The following TAFA5 variants were observed in gnomAD, a reference collection of about 807,000 sequenced individuals.
TAFA5 encodes the protein TAFA chemokine like family member 5.
TAFA5 carries 6 observed loss-of-function variants against 15.3 expected under a neutral mutation model. The observed-to-expected ratio is 0.39, with a 90% CI of 0.21 to 0.77. The LOEUF is 0.77. TAFA5 is among the 30% of genes least tolerant of loss of function. The pLI is 0.41. For missense variants in TAFA5, 161 were observed against 193.1 expected (o/e 0.83, Z 0.98); for synonymous variants, 103 against 80.7 (o/e 1.28, Z -1.48).
At chr22:48,730,363 G>T (rs1929835063) in intron 3 of TAFA5, among the ~76,000 whole-genome samples, 1 of 151,514 alleles carries the variant, frequency 6.6e-6, no homozygotes, top group Non-Finnish European at 1.5e-5. Context: ...TCCAGCCTGG[G>T]CGACAGAGCA....
intron 1 of TAFA5, among the ~76,000 whole-genome samples, chr22:48,554,410 A>G (rs933346315): frequency 4.6e-5 from 7 of 152,236 alleles, no homozygotes; most frequent in African/African-American, 1.7e-4. Flanking sequence ...GCATATTAAA[A>G]CTTTTAACCT....
intron 1 of TAFA5, among the ~76,000 whole-genome samples, chr22:48,583,913 CATACA>C: frequency 7.0e-6 from 1 of 143,674 alleles, no homozygotes. Flanking sequence ...AAATAAACCT[CATACA>C]CCACACACAC....
intron 2 of TAFA5, among the ~76,000 whole-genome samples, chr22:48,663,981 A>G (rs920850971): frequency 6.6e-6 from 1 of 152,228 alleles, no homozygotes; most frequent in Admixed American, 6.5e-5. Flanking sequence ...TAAGGAAAGG[A>G]AAAAAATCAC....
chr22:48,578,597 G>A (rs1317485230), intron 1 of TAFA5, among the ~76,000 whole-genome samples: 2 of 152,200 alleles, frequency 1.3e-5, no homozygotes, highest in South Asian at 4.1e-4. Flanking sequence ...ATGAGGATGG[G>A]GTCAGCTGTA....
intron 2 of TAFA5, among the ~76,000 whole-genome samples, chr22:48,701,418 C>G (rs1928901881): frequency 6.6e-6 from 1 of 152,192 alleles, no homozygotes; most frequent in African/African-American, 2.4e-5. Flanking sequence ...ACGGGTCCAC[C>G]CAGGTGCTGT....
intron 3 of TAFA5, 86 bp from the exon 4 acceptor site, chr22:48,749,753 C>T: frequency 6.8e-7 from 1 of 1,477,298 alleles, no homozygotes; most frequent in Non-Finnish European, 9.3e-7. Context: ...CTGGCAGGAG[C>T]CGGGGAGGGA....
intron 1 of TAFA5, among the ~76,000 whole-genome samples, chr22:48,588,351 G>C (rs1426583940): frequency 6.6e-6 from 1 of 152,222 alleles, no homozygotes; most frequent in Non-Finnish European, 1.5e-5. Flanking sequence ...TGCAGTCTCG[G>C]CGGCCGCCCG....
Position 48,705,459 on chromosome 22 carries a change from C to T in TAFA5, c.263-2258C>T, listed in dbSNP as rs569408619. The stretch of plus-strand genomic sequence containing the variant: ...GTCTGTCTTCCAGAGGGCCCCTGAC[C>T]TCCCAGACCTGCCTCCCCTGCGATG... On this transcript the variant is annotated intron_variant, in intron 2 of 3. Transcript: ENST00000402357. Among the ~76,000 whole-genome samples the T allele has an allele frequency of 2.6e-5, 4 of 152,284 alleles. No homozygotes were observed. The East Asian group carries it at 7.7e-4, about 29-fold the overall frequency.
intron 1 of TAFA5, among the ~76,000 whole-genome samples, chr22:48,586,483 C>T (rs925260441): frequency 6.6e-6 from 1 of 152,224 alleles, no homozygotes; most frequent in Non-Finnish European, 1.5e-5. Context: ...AGCCCGAGGA[C>T]TTCCACGGGG....
At position 48,530,173 on chromosome 22, in the gene TAFA5, G is replaced by C. The variant is rs762204683; in HGVS notation, c.112+40469G>C. On this transcript the variant is annotated intron_variant, in intron 1 of 3. Transcript: ENST00000402357. The surrounding 1 kb of genome is among the most constrained non-coding windows in gnomAD (Gnocchi z 6.0). ...CTCCATGGCGACTCGAGGAGGAGGA[G>C]GCTGGGCCTGCATCACCTCCATTTT... is the stretch of plus-strand genomic sequence containing the variant. Among the ~76,000 whole-genome samples, 1 of 152,146 alleles carries C rather than the reference G, an allele frequency of 6.6e-6. No individual in the cohort carries two copies. Among genetic ancestry groups the C allele is most frequent in the Non-Finnish European group, 1.5e-5 (1 of 68,016 alleles).
chr22:48,657,593 C>T (rs970899324), intron 2 of TAFA5, among the ~76,000 whole-genome samples: 7 of 152,212 alleles, frequency 4.6e-5, no homozygotes, highest in South Asian at 2.1e-4. Flanking sequence ...TCTATGGATA[C>T]GGACATAGAT....
chr22:48,672,373 G>T (rs1309437979), intron 2 of TAFA5, among the ~76,000 whole-genome samples: 3 of 152,170 alleles, frequency 2.0e-5, no homozygotes, highest in African/African-American at 4.8e-5. Flanking sequence ...GCCTAAAGAA[G>T]AAAATGGAAA....
chr22:48,679,853 C>T (rs1928122449), intron 2 of TAFA5, among the ~76,000 whole-genome samples: 1 of 152,174 alleles, frequency 6.6e-6, no homozygotes, highest in Non-Finnish European at 1.5e-5. Context: ...GTGGACCGGC[C>T]CTGCCCAAGC....
intron 1 of TAFA5, among the ~76,000 whole-genome samples, chr22:48,646,281 G>C (rs1926859131): frequency 2.0e-5 from 3 of 152,182 alleles, no homozygotes; most frequent in Admixed American, 2.0e-4. Context: ...CCCTCCTTGT[G>C]ATCCGAACCT....
At chr22:48,585,817 G>T (rs1417883041) in intron 1 of TAFA5, among the ~76,000 whole-genome samples, 2 of 151,548 alleles carry the variant, frequency 1.3e-5, no homozygotes. Context: ...CACACAAAGC[G>T]CAGAAACACA....
intron 2 of TAFA5, among the ~76,000 whole-genome samples, chr22:48,662,975 T>A (rs1225729199): frequency 6.6e-6 from 1 of 152,186 alleles, no homozygotes; most frequent in Non-Finnish European, 1.5e-5. Context: ...ACTCGGCAGA[T>A]CTGGCAGCTC....
intron 2 of TAFA5, among the ~76,000 whole-genome samples, chr22:48,657,936 C>T (rs1738608377): frequency 1.3e-5 from 2 of 151,968 alleles, no homozygotes; most frequent in Non-Finnish European, 2.9e-5. Context: ...AAAGTGTCCA[C>T]TACACCCTGC....
chr22:48,544,169 T>G, intron 1 of TAFA5: 1 of 163,664 alleles, frequency 6.1e-6, no homozygotes, highest in Non-Finnish European at 1.3e-5. Context: ...TGGGGTGGGG[T>G]CTTCCCTTCA....
At chr22:48,536,910 G>A (rs1399210624) in intron 1 of TAFA5, among the ~76,000 whole-genome samples, 1 of 152,214 alleles carries the variant, frequency 6.6e-6, no homozygotes, top group Admixed American at 6.5e-5. Flanking sequence ...GCTGGGCGAT[G>A]GCAGCGGGGC....
Sources: allele counts gnomAD v4.1 joint callset (sites outside exome capture counted in the v4.1 genomes callset), GRCh38; gene constraint gnomAD v4.1.1; non-coding constraint Gnocchi (gnomAD v3.1); transcripts MANE v1.5; gene names NCBI Gene and HGNC (gene_info 2026-07-23, HGNC 2026-07-21).